Variants in SLC38A8 observed in about 807,000 individuals in gnomAD.
SLC38A8 encodes solute carrier family 38 member 8, also known as amino acid transporter SLC38A8.
A neutral mutation model predicts 46.0 loss-of-function variants in SLC38A8; 65 were observed. That is an observed-to-expected ratio of 1.41 (90% CI 1.16 to 1.74). SLC38A8 has a LOEUF of 1.74. SLC38A8 is among the 40% of genes most tolerant of loss of function. SLC38A8 has a pLI of 0.00. For synonymous variants in SLC38A8, 447 were observed against 243.7 expected (o/e 1.83, Z -7.77); for missense variants, 998 against 567.9 (o/e 1.76, Z -7.70).
Position 84,016,358 on chromosome 16 carries a change from G to A in SLC38A8, c.1162+161C>T, listed in dbSNP as rs978500023. ...GTGAGGGAAGGTATGTAAAGCCCAA[G>A]CCTGTGCCTGGCTCAATAAAAAGGG... On this transcript the variant is annotated intron_variant, in intron 9 of 10. Transcript: ENST00000299709. Among the ~76,000 whole-genome samples the A allele has an allele frequency of 2.6e-5, 4 of 152,182 alleles. No individual in the cohort carries two copies. The East Asian group carries it at 5.8e-4, about 22-fold the overall frequency.
chr16:84,016,900 C>A, intron 8 of SLC38A8, 173 bp from the exon 9 acceptor site: 1 of 983,052 alleles, frequency 1.0e-6, no homozygotes, highest in Non-Finnish European at 1.5e-6. Flanking sequence ...CTGCCACCAT[C>A]GGGCAGCCCA....
chr16:84,012,885 G>C (rs11864162), intron 10 of SLC38A8, 116 bp downstream of exon 10: 22 of 1,157,472 alleles, frequency 1.9e-5, no homozygotes, highest in Non-Finnish European at 2.6e-5. Context: ...GTGGCTCGCA[G>C]GTTTCTCACC....
At chr16:84,039,735 G>A (rs2085345869) in intron 2 of SLC38A8, among the ~76,000 whole-genome samples, 1 of 121,926 alleles carries the variant, frequency 8.2e-6, no homozygotes. Context: ...GCAAGAGAGT[G>A]AGACCTTCAA....
At chr16:84,010,730 C>G (rs184203217) in intron 10 of SLC38A8, among the ~76,000 whole-genome samples, 138 of 152,248 alleles carry the variant, frequency 9.1e-4, no homozygotes, top group African/African-American at 3.2e-3. Context: ...GAGGACAGAG[C>G]AAGACTCCAT....
intron 10 of SLC38A8, among the ~76,000 whole-genome samples, chr16:84,011,220 G>C (rs2084949524): frequency 6.6e-6 from 1 of 152,168 alleles, no homozygotes; most frequent in African/African-American, 2.4e-5. Flanking sequence ...GTATTAGAAG[G>C]ACCCAAAGCA....
chr16:84,026,803 A>G (rs1262099552), intron 6 of SLC38A8, among the ~76,000 whole-genome samples: 7 of 152,174 alleles, frequency 4.6e-5, no homozygotes, highest in South Asian at 2.1e-4. Context: ...AAAGGCCACA[A>G]TAGGATTCCA....
At chr16:84,010,733 G>C (rs1253765947) in intron 10 of SLC38A8, among the ~76,000 whole-genome samples, 1 of 152,166 alleles carries the variant, frequency 6.6e-6, no homozygotes, top group African/African-American at 2.4e-5. Flanking sequence ...GACAGAGCAA[G>C]ACTCCATCTC....
upstream of SLC38A8, among the ~76,000 whole-genome samples, chr16:84,042,987 C>G (rs1243524683): frequency 6.6e-6 from 1 of 152,188 alleles, no homozygotes; most frequent in Non-Finnish European, 1.5e-5. Context: ...CGCCTCCATC[C>G]TCACATACCT....
chr16:84,023,701 C>A (rs553923720), intron 6 of SLC38A8, among the ~76,000 whole-genome samples: 1 of 152,302 alleles, frequency 6.6e-6, no homozygotes, highest in South Asian at 2.1e-4. Context: ...TGAGACCAGC[C>A]TGGCCAACAT....
At chr16:84,035,450 A>C (rs9931214) in intron 3 of SLC38A8, among the ~76,000 whole-genome samples, 1 of 152,174 alleles carries the variant, frequency 6.6e-6, no homozygotes, top group Non-Finnish European at 1.5e-5. Context: ...CAACAATCAC[A>C]TGCCAATTAA....
At position 84,040,866 on chromosome 16, in the gene SLC38A8, G is replaced by T. The variant is rs141767571; in HGVS notation, c.189+1103C>A. 4.8e-4 allele frequency among the ~76,000 whole-genome samples: 73 copies of T among 152,204 alleles called. 1 individual carries two copies. The highest frequency in any genetic ancestry group is 1.6e-4 in the Non-Finnish European group (11 of 68,034). ...TTCCCATTAAAACAAAGCTCCATGAGGACAGGGACCACACTGCGTCATCCA... is the reference window on the plus strand; with the variant it reads ...TTCCCATTAAAACAAAGCTCCATGATGACAGGGACCACACTGCGTCATCCA... On this transcript the variant is annotated intron_variant, in intron 2 of 10. Coordinates refer to ENST00000299709, the MANE Select transcript of SLC38A8 (RefSeq NM_001080442.3).
At chr16:84,036,654 T>TAG in intron 3 of SLC38A8, 48 bp downstream of exon 3, 1 of 1,605,484 alleles carries the variant, frequency 6.2e-7, no homozygotes. Context: ...AAGAGGTCAT[T>TAG]AGAGGTCCGG....
At chr16:84,020,751 C>T (rs2085085947) in intron 7 of SLC38A8, among the ~76,000 whole-genome samples, 2 of 152,200 alleles carry the variant, frequency 1.3e-5, no homozygotes, top group Non-Finnish European at 2.9e-5. Context: ...GAGGGGCAGC[C>T]TCTAAGATAT....
intron 10 of SLC38A8, among the ~76,000 whole-genome samples, chr16:84,010,924 G>C (rs1439503415): frequency 6.6e-6 from 1 of 152,144 alleles, no homozygotes; most frequent in Non-Finnish European, 1.5e-5. Context: ...AGGTGGCTGG[G>C]ACTGGCAGCC....
chr16:84,026,927 C>T lies in SLC38A8; in HGVS notation c.690+2567G>A, dbSNP rs577019930. Among the ~76,000 whole-genome samples, 304 of 152,264 alleles carry T rather than the reference C, an allele frequency of 2.0e-3. 5 individuals are homozygous for T. The highest frequency in any genetic ancestry group is 6.9e-3 in the African/African-American group (288 of 41,548). ...GGCGATGGGTTTCTTCGAGGGGCAA[C>T]AGAAAGGTTCTCAATTGACTGTGGT... On this transcript the variant is annotated intron_variant, in intron 6 of 10. Coordinates refer to ENST00000299709, the MANE Select transcript of SLC38A8 (RefSeq NM_001080442.3).
At chr16:84,040,259 G>A (rs1316135411) in intron 2 of SLC38A8, among the ~76,000 whole-genome samples, 1 of 152,210 alleles carries the variant, frequency 6.6e-6, no homozygotes, top group East Asian at 1.9e-4. Context: ...TGGGGTGGCG[G>A]GAGCGTGTCA....
At chr16:84,014,939 T>G (rs899276408) in intron 9 of SLC38A8, among the ~76,000 whole-genome samples, 3 of 132,712 alleles carry the variant, frequency 2.3e-5, no homozygotes, top group African/African-American at 1.3e-4. Flanking sequence ...TGAACAATGT[T>G]TCGTTTCATG....
chr16:84,013,422 GTGTTTTTTTT>G (rs1467406685), intron 9 of SLC38A8, among the ~76,000 whole-genome samples: 2 of 108,700 alleles, frequency 1.8e-5, no homozygotes, highest in African/African-American at 8.2e-5. Context: ...TGTTGTGTGT[GTGTTTTTTTT>G]TTTTTTTTTT....
At chr16:84,043,221 C>T (rs1227062147), upstream of SLC38A8, among the ~76,000 whole-genome samples, 1 of 152,192 alleles carries the variant, frequency 6.6e-6, no homozygotes, top group African/African-American at 2.4e-5. Flanking sequence ...CTGCTGGTCC[C>T]TAGGCCACGC....
Sources: gnomAD v4.1 joint callset for allele counts (sites outside exome capture counted in the v4.1 genomes callset) on GRCh38, gnomAD v4.1.1 for gene constraint, MANE v1.5 for transcripts, NCBI Gene and HGNC (gene_info 2026-07-23, HGNC 2026-07-21) for gene names.